Variants in ASXL2 observed in about 807,000 individuals in gnomAD.
ASXL2 encodes ASXL transcriptional regulator 2.
Under a neutral mutation model 122.0 loss-of-function variants are expected in ASXL2, and 23 were observed. The observed-to-expected ratio is 0.19, with a 90% CI of 0.14 to 0.27. The LOEUF (loss-of-function observed/expected upper bound fraction) is 0.27, where lower values mean the gene tolerates loss of function less well. Ranked by LOEUF, ASXL2 falls within the 10% of genes least tolerant of loss-of-function variation. ASXL2 has a pLI of 1.00. For synonymous variants in ASXL2, 650 were observed against 637.0 expected (o/e 1.02, Z -0.31); for missense variants, 1,518 against 1,713.8 (o/e 0.89, Z 2.02).
In ASXL2 at chr2:25,741,739, A is replaced by G. The variant is rs558485239; in HGVS notation, c.*290T>C. The G allele has an allele frequency of 5.3e-6, 2 of 377,356 alleles. No homozygotes were observed. Among genetic ancestry groups the G allele is most frequent in the East Asian group, 7.8e-5 (2 of 25,708 alleles). 23.4% of individuals were successfully genotyped at this position (377,356 alleles called of 1,614,324 possible). A position where few individuals can be genotyped will look rare whatever the true frequency, so the allele number is the denominator to read the frequency against. ...AATTCAAAGTAATACATTATTACCT[A>G]AACACTTGGAAAAATAATGTTAAAC... On this transcript the variant is annotated 3_prime_UTR_variant, in exon 13 of 13. Coordinates refer to ENST00000435504, the MANE Select transcript of ASXL2 (RefSeq NM_018263.6).
intron 10 of ASXL2, 57 bp downstream of exon 10, chr2:25,755,961 A>C: frequency 7.3e-7 from 1 of 1,362,484 alleles, no homozygotes. Context: ...CTGATGAGGA[A>C]GAGAGGTGCT....
At chr2:25,837,999 C>T (rs1005644334) in intron 2 of ASXL2, among the ~76,000 whole-genome samples, 9 of 150,680 alleles carry the variant, frequency 6.0e-5, no homozygotes, top group African/African-American at 2.0e-4. Flanking sequence ...AGCACGGTGG[C>T]GCACGCCTGT....
chr2:25,864,464 C>A (rs767641651), intron 1 of ASXL2, among the ~76,000 whole-genome samples: 5 of 151,994 alleles, frequency 3.3e-5, no homozygotes, highest in Non-Finnish European at 5.9e-5. Context: ...TTTCAAAAAT[C>A]CATTAAGACT....
chr2:25,831,578 C>T (rs1412641926), intron 3 of ASXL2, among the ~76,000 whole-genome samples: 1 of 151,680 alleles, frequency 6.6e-6, no homozygotes, highest in African/African-American at 2.4e-5. Context: ...TGCTTGAGCC[C>T]AGGAGGCTGA....
chr2:25,827,881 G>C (rs2089397098), intron 3 of ASXL2, among the ~76,000 whole-genome samples: 1 of 152,044 alleles, frequency 6.6e-6, no homozygotes, highest in Non-Finnish European at 1.5e-5. Flanking sequence ...AGCAATAAAA[G>C]ATTCCTTGGA....
chr2:25,848,545 C>T (rs1014218685), intron 1 of ASXL2, among the ~76,000 whole-genome samples: 84 of 151,894 alleles, frequency 5.5e-4, no homozygotes, highest in Admixed American at 5.5e-3. Context: ...ATGGCGTGAA[C>T]CCTGGAGACG....
chr2:25,819,363 C>A (rs1438738179), intron 3 of ASXL2, among the ~76,000 whole-genome samples: 1 of 152,110 alleles, frequency 6.6e-6, no homozygotes, highest in Non-Finnish European at 1.5e-5. Context: ...AAGATGTTTA[C>A]AGAGTCTCAG....
At chr2:25,758,740 A>C (rs1422135982) in intron 9 of ASXL2, among the ~76,000 whole-genome samples, 1 of 151,586 alleles carries the variant, frequency 6.6e-6, no homozygotes, top group Non-Finnish European at 1.5e-5. Flanking sequence ...TATGAAAGTA[A>C]TAAATGTTTC....
At position 25,743,724 on chromosome 2, in the gene ASXL2, T is replaced by C. The variant is rs2149137040; in HGVS notation, c.2613A>G (p.Ser871=). The change falls in exon 13 of 13, where the codon TCA becomes TCG. Residue 871 remains serine, a synonymous_variant. Coordinates refer to ENST00000435504, the MANE Select transcript of ASXL2 (RefSeq NM_018263.6). ...CTGGCACACTAGCATCTGTCTTTGA[T>C]GAGGCTGAAGGGTTAGGTATATTCT... ...PSKNIPNPSA[S]SKTDASVPVA... 2 of 1,613,968 alleles carry C rather than the reference T, an allele frequency of 1.2e-6. No individual in the cohort carries two copies. The highest frequency in any genetic ancestry group is 2.2e-5 in the East Asian group (1 of 44,874).
At chr2:25,765,747 A>G (rs6546467) in intron 8 of ASXL2, among the ~76,000 whole-genome samples, 57,949 of 152,064 alleles carry the variant, frequency 0.38, 12,940 homozygotes, top group Non-Finnish European at 0.51. Flanking sequence ...AAAATTTTCA[A>G]TTTTAACTGA....
chr2:25,847,528 A>C (rs1310157751), intron 1 of ASXL2, among the ~76,000 whole-genome samples: 2 of 152,182 alleles, frequency 1.3e-5, no homozygotes, highest in African/African-American at 4.8e-5. Context: ...AACTTGTAAA[A>C]CTTGGATATC....
At chr2:25,796,972 G>A (rs550591537) in intron 5 of ASXL2, among the ~76,000 whole-genome samples, 1 of 152,188 alleles carries the variant, frequency 6.6e-6, no homozygotes, top group East Asian at 1.9e-4. Context: ...AAACAAAAAT[G>A]AAAATTTCTA....
At chr2:25,801,554 AGAGT>A (rs763567390) in intron 4 of ASXL2, among the ~76,000 whole-genome samples, 1 of 152,212 alleles carries the variant, frequency 6.6e-6, no homozygotes. Context: ...CAGCTTTTAT[AGAGT>A]TAGTTGTCAG....
At position 25,743,083 on chromosome 2, in the gene ASXL2, G is replaced by A. The variant is rs2087863989; in HGVS notation, c.3254C>T (p.Pro1085Leu). The A allele has an allele frequency of 2.5e-6, 4 of 1,613,884 alleles. No individual in the cohort carries two copies. The highest frequency in any genetic ancestry group is 2.2e-5 in the East Asian group (1 of 44,898). Residue 1085 changes from proline to leucine, a missense_variant, in exon 13 of 13, where the codon CCC becomes CTC. This residue lies in a region of ASXL2 where 831 missense variants were observed against 833.1 expected (regional missense o/e 1.00). Coordinates refer to ENST00000435504, the MANE Select transcript of ASXL2 (RefSeq NM_018263.6). Reference sequence around the variant, plus strand: ...TGAGTGAGCGAAGTTGAACTGTGAGGGCGGCACAACTGAGAGAAGATTCTG... The same window carrying A: ...TGAGTGAGCGAAGTTGAACTGTGAGAGCGGCACAACTGAGAGAAGATTCTG... Reference protein sequence around the residue: ...RRQNLLSVVPPSQFNFAHSGF... With the variant: ...RRQNLLSVVPLSQFNFAHSGF...
chr2:25,845,970 T>C (rs2149193477), intron 1 of ASXL2, among the ~76,000 whole-genome samples: 1 of 152,252 alleles, frequency 6.6e-6, no homozygotes, highest in South Asian at 2.1e-4. Context: ...AAGCAGCTAT[T>C]TGAGGACTCC....
chr2:25,783,675 T>C (rs911496002), intron 5 of ASXL2, among the ~76,000 whole-genome samples: 1 of 152,252 alleles, frequency 6.6e-6, no homozygotes, highest in Non-Finnish European at 1.5e-5. Flanking sequence ...ACACCTGTAA[T>C]CCCAGTACTT....
intron 5 of ASXL2, among the ~76,000 whole-genome samples, chr2:25,777,623 C>G (rs1345118985): frequency 6.6e-6 from 1 of 151,888 alleles, no homozygotes; most frequent in Non-Finnish European, 1.5e-5. Context: ...TTAAACTTAT[C>G]TCTGTTGAGA....
At chr2:25,766,761 C>T (rs562596628) in intron 8 of ASXL2, among the ~76,000 whole-genome samples, 10 of 152,238 alleles carry the variant, frequency 6.6e-5, no homozygotes, top group African/African-American at 2.4e-4. Context: ...CAGTACAGTG[C>T]CTCCTCATCT....
Position 25,736,657 on chromosome 2 carries a change from A to G in ASXL2, c.*5372T>C, listed in dbSNP as rs887765886. 2 of 152,140 alleles carry G rather than the reference A, an allele frequency of 1.3e-5. No individual in the cohort carries two copies. The highest frequency in any genetic ancestry group is 4.8e-5 in the African/African-American group (2 of 41,430). The allele number at this position is 152,140 out of a possible 1,614,324, so 9.4% of individuals were successfully genotyped here. Reference sequence around the variant, plus strand: ...AAAAGCCAATGTAAAGAAAAAAAAAAAAAGCCAATGTATCCTTACATTAAC... The same window carrying G: ...AAAAGCCAATGTAAAGAAAAAAAAAGAAAGCCAATGTATCCTTACATTAAC... On this transcript the variant is annotated 3_prime_UTR_variant, in exon 13 of 13. Transcript: ENST00000435504.
Sources: allele counts gnomAD v4.1 joint callset (sites outside exome capture counted in the v4.1 genomes callset), GRCh38; gene constraint gnomAD v4.1.1; regional missense constraint gnomAD v4.1.1; transcripts MANE v1.5; gene names NCBI Gene and HGNC (gene_info 2026-07-23, HGNC 2026-07-21).